LDLRAD3: variants seen among roughly 807,000 people sequenced by gnomAD.
The protein encoded by LDLRAD3 is low density lipoprotein receptor class A domain containing 3, also known as low-density lipoprotein receptor class A domain-containing protein 3.
Under a neutral mutation model 29.4 loss-of-function variants are expected in LDLRAD3, and 20 were observed. The ratio of observed to expected loss-of-function variants is 0.68; its 90% CI spans 0.48 to 0.99. The LOEUF (loss-of-function observed/expected upper bound fraction) is 0.99, where lower values mean the gene tolerates loss of function less well. Ranked by LOEUF, LDLRAD3 falls within the 50% of genes least tolerant of loss-of-function variation. The probability of loss-of-function intolerance (pLI) is 0.00; values close to 1 mark genes in which losing one functional copy is unlikely to be tolerated. For missense variants in LDLRAD3, 420 were observed against 454.3 expected (o/e 0.92, Z 0.69); for synonymous variants, 157 against 192.7 (o/e 0.81, Z 1.53).
chr11:36,008,498 T>C (rs262406), intron 1 of LDLRAD3, among the ~76,000 whole-genome samples: 146,961 of 152,260 alleles, frequency 0.97, 71,150 homozygotes, highest in East Asian at 1. Context: ...GGTCAAGAAA[T>C]GTAACTTTAA....
intron 4 of LDLRAD3, among the ~76,000 whole-genome samples, chr11:36,222,611 A>G (rs375210587): frequency 6.6e-6 from 1 of 152,172 alleles, no homozygotes; most frequent in East Asian, 1.9e-4. Flanking sequence ...TTGCATCTGG[A>G]GGAGGGGATT....
chr11:35,963,274 T>A (rs533415196), intron 1 of LDLRAD3, among the ~76,000 whole-genome samples: 7 of 152,292 alleles, frequency 4.6e-5, no homozygotes, highest in East Asian at 1.9e-4. Context: ...TACATTTTTT[T>A]AATATGTGTT....
intron 5 of LDLRAD3, among the ~76,000 whole-genome samples, chr11:36,228,401 T>C (rs1311711172): frequency 6.6e-6 from 1 of 152,204 alleles, no homozygotes; most frequent in African/African-American, 2.4e-5. Flanking sequence ...AGGGTAAGGT[T>C]AAAATTGCTG....
At chr11:36,009,846 A>T (rs1026759759) in intron 1 of LDLRAD3, among the ~76,000 whole-genome samples, 1 of 147,166 alleles carries the variant, frequency 6.8e-6, no homozygotes, top group Non-Finnish European at 1.5e-5. Context: ...TTTCTTACGA[A>T]GAAGTTTTCC....
rs202092521 is a variant in LDLRAD3 at position 36,159,350 on chromosome 11, TC to T, written c.454+60892del. On this transcript the variant is annotated intron_variant, in intron 4 of 5. Coordinates refer to ENST00000315571, the MANE Select transcript of LDLRAD3 (RefSeq NM_174902.4). ...TGGGTATGGTGGTGTTTGCCTGTAGTCCCAGCTACTGGAGAAGCCGAGGTGG... is the reference window on the plus strand; with the variant it reads ...TGGGTATGGTGGTGTTTGCCTGTAGTCCAGCTACTGGAGAAGCCGAGGTGG... Among the ~76,000 whole-genome samples the T allele has an allele frequency of 1.0e-3, 157 of 151,880 alleles. 4 individuals carry two copies. The East Asian group carries it at 0.029, about 28-fold the overall frequency.
intron 2 of LDLRAD3, among the ~76,000 whole-genome samples, chr11:36,044,039 T>C (rs1190598698): frequency 6.6e-6 from 1 of 152,198 alleles, no homozygotes; most frequent in Non-Finnish European, 1.5e-5. Context: ...GATCCTCACT[T>C]CACTAAATTT....
chr11:36,039,975 A>G (rs898607692), intron 2 of LDLRAD3, among the ~76,000 whole-genome samples: 6 of 152,142 alleles, frequency 3.9e-5, no homozygotes, highest in Admixed American at 3.9e-4. Context: ...GCTGATGTGG[A>G]ATTTCTGCCG....
intron 1 of LDLRAD3, among the ~76,000 whole-genome samples, chr11:36,023,660 G>A (rs1852126861): frequency 6.6e-6 from 1 of 152,206 alleles, no homozygotes; most frequent in East Asian, 1.9e-4. Context: ...ATGTGTGTTT[G>A]CCTGCTATGG....
At chr11:35,954,821 C>G (rs2133128696) in intron 1 of LDLRAD3, among the ~76,000 whole-genome samples, 1 of 152,282 alleles carries the variant, frequency 6.6e-6, no homozygotes, top group East Asian at 1.9e-4. Flanking sequence ...ATGAGACTAG[C>G]ATGTGACATA....
intron 2 of LDLRAD3, among the ~76,000 whole-genome samples, chr11:36,069,684 A>C (rs192992696): frequency 6.6e-6 from 1 of 151,416 alleles, no homozygotes; most frequent in Non-Finnish European, 1.5e-5. Flanking sequence ...TTTTGCGTAT[A>C]TGAGAAGCTT....
chr11:36,121,748 A>G (rs1853762083), intron 4 of LDLRAD3, among the ~76,000 whole-genome samples: 2 of 152,232 alleles, frequency 1.3e-5, no homozygotes, highest in Admixed American at 6.5e-5. Flanking sequence ...CTTCTCACAC[A>G]GTACATAAAC....
At chr11:35,958,514 G>T (rs1341929428) in intron 1 of LDLRAD3, among the ~76,000 whole-genome samples, 2 of 152,168 alleles carry the variant, frequency 1.3e-5, no homozygotes, top group African/African-American at 2.4e-5. Flanking sequence ...GAGATCTGAT[G>T]TCAGTCACCT....
rs12277126 is a variant in LDLRAD3 at position 36,201,222 on chromosome 11, G to A, written c.455-25863G>A. On this transcript the variant is annotated intron_variant, in intron 4 of 5. Transcript: ENST00000315571. ...ATGATAAACCAGCAACCAGAAGACAGCTGGACCACTGACAGCCCTCCCCAC... is the reference window on the plus strand; with the variant it reads ...ATGATAAACCAGCAACCAGAAGACAACTGGACCACTGACAGCCCTCCCCAC... Among the ~76,000 whole-genome samples, 689 of 152,310 alleles carry A rather than the reference G, an allele frequency of 4.5e-3. 10 individuals carry two copies. Among genetic ancestry groups the A allele is most frequent in the African/African-American group, 0.016 (656 of 41,562 alleles).
At chr11:36,125,186 T>C (rs1319857306) in intron 4 of LDLRAD3, among the ~76,000 whole-genome samples, 1 of 152,186 alleles carries the variant, frequency 6.6e-6, no homozygotes, top group African/African-American at 2.4e-5. Flanking sequence ...GTGCATTCCA[T>C]GTAAGCAGGG....
At chr11:36,176,130 G>C (rs1854672253) in intron 4 of LDLRAD3, among the ~76,000 whole-genome samples, 1 of 152,046 alleles carries the variant, frequency 6.6e-6, no homozygotes, top group Non-Finnish European at 1.5e-5. Context: ...GCTCGCTTTT[G>C]TTGTCCATTT....
intron 1 of LDLRAD3, among the ~76,000 whole-genome samples, chr11:36,035,306 C>T (rs1852289272): frequency 6.6e-6 from 1 of 152,022 alleles, no homozygotes; most frequent in Non-Finnish European, 1.5e-5. Context: ...AATCTCCCCC[C>T]AGGGTCTACT....
chr11:36,065,997 G>A (rs1852785894), intron 2 of LDLRAD3, among the ~76,000 whole-genome samples: 1 of 152,138 alleles, frequency 6.6e-6, no homozygotes, highest in Non-Finnish European at 1.5e-5. Flanking sequence ...TAGGAGCCAA[G>A]GGGATGGGAG....
chr11:35,955,385 A>G (rs774753437), intron 1 of LDLRAD3, among the ~76,000 whole-genome samples: 24 of 152,246 alleles, frequency 1.6e-4, no homozygotes, highest in Non-Finnish European at 2.9e-4. Flanking sequence ...GCACATCAGT[A>G]AATATAACAT....
intron 4 of LDLRAD3, among the ~76,000 whole-genome samples, chr11:36,157,544 G>T (rs988908950): frequency 7.2e-5 from 11 of 152,214 alleles, no homozygotes; most frequent in Non-Finnish European, 1.6e-4. Flanking sequence ...GGTTAGGCCA[G>T]GGAGTTATTT....
Sources: gnomAD v4.1 joint callset for allele counts (sites outside exome capture counted in the v4.1 genomes callset) on GRCh38, gnomAD v4.1.1 for gene constraint, MANE v1.5 for transcripts, NCBI Gene and HGNC (gene_info 2026-07-23, HGNC 2026-07-21) for gene names.